The following L3MBTL4 variants were observed in gnomAD, a reference collection of about 807,000 sequenced individuals.
The protein encoded by L3MBTL4 is L3MBTL histone methyl-lysine binding protein 4.
Under a neutral mutation model 84.5 loss-of-function variants are expected in L3MBTL4, and 70 were observed. The ratio of observed to expected loss-of-function variants is 0.83; its 90% CI spans 0.68 to 1.01. L3MBTL4 has a LOEUF of 1.01. Ranked by LOEUF, L3MBTL4 falls within the 50% of genes least tolerant of loss-of-function variation. L3MBTL4 has a pLI of 0.00. For missense variants in L3MBTL4, 715 were observed against 754.8 expected (o/e 0.95, Z 0.62); for synonymous variants, 274 against 259.8 (o/e 1.05, Z -0.52).
intron 16 of L3MBTL4, among the ~76,000 whole-genome samples, chr18:6,013,163 T>A (rs972100729): frequency 6.6e-6 from 1 of 152,168 alleles, no homozygotes; most frequent in African/African-American, 2.4e-5. Flanking sequence ...AGAAGGAATG[T>A]CTCAGTGTGG....
chr18:6,283,683 A>G, intron 4 of L3MBTL4, among the ~76,000 whole-genome samples: 1 of 152,144 alleles, frequency 6.6e-6, no homozygotes, highest in Non-Finnish European at 1.5e-5. Context: ...CATTACAAAC[A>G]TTTTCTCATT....
At chr18:6,038,410 C>T (rs565211702) in intron 16 of L3MBTL4, among the ~76,000 whole-genome samples, 5 of 152,066 alleles carry the variant, frequency 3.3e-5, no homozygotes, top group African/African-American at 4.8e-5. Flanking sequence ...TCCGCCACCG[C>T]GACCGGTTAA....
At chr18:6,228,203 C>A (rs1327926153) in intron 10 of L3MBTL4, among the ~76,000 whole-genome samples, 1 of 152,130 alleles carries the variant, frequency 6.6e-6, no homozygotes, top group Non-Finnish European at 1.5e-5. Flanking sequence ...GTTCCTGAAA[C>A]AACTTGAAAT....
At chr18:6,210,421 G>C (rs527358854) in intron 12 of L3MBTL4, among the ~76,000 whole-genome samples, 1 of 152,352 alleles carries the variant, frequency 6.6e-6, no homozygotes, top group African/African-American at 2.4e-5. Flanking sequence ...AGAGTAGGAA[G>C]AGTAGGAATG....
intron 1 of L3MBTL4, among the ~76,000 whole-genome samples, chr18:6,359,001 T>A (rs1316263053): frequency 1.3e-5 from 2 of 152,258 alleles, no homozygotes; most frequent in Non-Finnish European, 2.9e-5. Flanking sequence ...TTTCATATCG[T>A]ATTTACTGAT....
intron 12 of L3MBTL4, among the ~76,000 whole-genome samples, chr18:6,174,890 C>T (rs1456625093): frequency 6.8e-6 from 1 of 146,448 alleles, no homozygotes; most frequent in Non-Finnish European, 1.5e-5. Flanking sequence ...AAAGATGATA[C>T]AAGATTTAAA....
intron 13 of L3MBTL4, among the ~76,000 whole-genome samples, chr18:6,164,495 G>A (rs757050915): frequency 1.3e-5 from 2 of 152,178 alleles, no homozygotes; most frequent in Admixed American, 6.5e-5. Flanking sequence ...CCAGAGGAAC[G>A]ATCAGGCAGC....
intron 1 of L3MBTL4, among the ~76,000 whole-genome samples, chr18:6,385,792 A>T (rs2144430153): frequency 6.6e-6 from 1 of 152,326 alleles, no homozygotes; most frequent in South Asian, 2.1e-4. Flanking sequence ...CCGAATGAGG[A>T]ATAAACTCAA....
intron 4 of L3MBTL4, among the ~76,000 whole-genome samples, chr18:6,281,492 C>A (rs1204112006): frequency 1.3e-5 from 2 of 152,248 alleles, no homozygotes; most frequent in Middle Eastern, 3.4e-3. Context: ...CCATTTTAAA[C>A]ATAAAAAGGA....
chr18:6,310,159 C>A (rs1300148146), intron 3 of L3MBTL4, among the ~76,000 whole-genome samples: 1 of 152,190 alleles, frequency 6.6e-6, no homozygotes, highest in Non-Finnish European at 1.5e-5. Context: ...CCTGAGTCTC[C>A]TCGTGCTCTG....
At chr18:6,021,603 C>T (rs1385521529) in intron 16 of L3MBTL4, among the ~76,000 whole-genome samples, 1 of 152,174 alleles carries the variant, frequency 6.6e-6, no homozygotes, top group Non-Finnish European at 1.5e-5. Context: ...ATGGAATTGA[C>T]TAAATAGCAG....
intron 1 of L3MBTL4, among the ~76,000 whole-genome samples, chr18:6,327,617 A>T (rs574069299): frequency 1.3e-5 from 2 of 152,296 alleles, no homozygotes; most frequent in East Asian, 3.9e-4. Context: ...CAGCATAGCA[A>T]TTATGTCTCA....
intron 16 of L3MBTL4, chr18:6,032,087 C>T (rs927304459): frequency 9.8e-6 from 2 of 203,994 alleles, no homozygotes; most frequent in South Asian, 7.7e-5. Flanking sequence ...AAGCAATTCT[C>T]CTGCCTCAGC....
chr18:6,269,070 T>G (rs913444116), intron 4 of L3MBTL4, among the ~76,000 whole-genome samples: 1 of 152,188 alleles, frequency 6.6e-6, no homozygotes, highest in Non-Finnish European at 1.5e-5. Flanking sequence ...AAATTCCAAT[T>G]TAATTAGTAA....
At chr18:6,164,181 G>A (rs920987802) in intron 13 of L3MBTL4, among the ~76,000 whole-genome samples, 1 of 152,246 alleles carries the variant, frequency 6.6e-6, no homozygotes, top group Non-Finnish European at 1.5e-5. Flanking sequence ...AAAGAGGCCA[G>A]GAAGCTGGAA....
intron 3 of L3MBTL4, among the ~76,000 whole-genome samples, chr18:6,304,265 C>G (rs1030520519): frequency 4.6e-5 from 7 of 151,880 alleles, no homozygotes; most frequent in African/African-American, 1.7e-4. Context: ...GTCTTTCATC[C>G]CCAAAACATA....
At chr18:6,330,602 C>A (rs2051981802) in intron 1 of L3MBTL4, among the ~76,000 whole-genome samples, 1 of 152,222 alleles carries the variant, frequency 6.6e-6, no homozygotes, top group African/African-American at 2.4e-5. Context: ...TGATCAGCAA[C>A]CTTCATTTCA....
intron 4 of L3MBTL4, among the ~76,000 whole-genome samples, chr18:6,269,312 C>A (rs548083462): frequency 3.9e-5 from 6 of 151,940 alleles, no homozygotes; most frequent in African/African-American, 1.2e-4. Flanking sequence ...AAAAAATTAG[C>A]CAGGAATGGT....
chr18:6,332,371 C>A (rs978754497), intron 1 of L3MBTL4, among the ~76,000 whole-genome samples: 3 of 152,172 alleles, frequency 2.0e-5, no homozygotes, highest in Non-Finnish European at 4.4e-5. Context: ...TCGGTTTAGC[C>A]AGCCCAACAT....
Sources: allele counts gnomAD v4.1 joint callset (sites outside exome capture counted in the v4.1 genomes callset), GRCh38; gene constraint gnomAD v4.1.1; transcripts MANE v1.5; gene names NCBI Gene and HGNC (gene_info 2026-07-23, HGNC 2026-07-21).